Variants in CDK19 observed in about 807,000 individuals in gnomAD.
The protein encoded by CDK19 is cyclin dependent kinase 19.
Under a neutral mutation model 68.3 loss-of-function variants are expected in CDK19, and 20 were observed. The ratio of observed to expected loss-of-function variants is 0.29; its 90% CI spans 0.21 to 0.43. The LOEUF is 0.43. Among genes scored for constraint, CDK19 ranks in the 20% least tolerant of loss-of-function variants. The pLI is 1.00. For synonymous variants in CDK19, 221 were observed against 222.8 expected (o/e 0.99, Z 0.07); for missense variants, 339 against 623.5 (o/e 0.54, Z 4.86).
Position 110,667,429 on chromosome 6 carries a change from CT to C in CDK19, c.456+4del. The C allele has an allele frequency of 6.5e-7, 1 of 1,543,516 alleles. No individual in the cohort carries two copies. Among genetic ancestry groups the C allele is most frequent in the Non-Finnish European group, 8.8e-7 (1 of 1,142,054 alleles). Reference sequence around the variant, plus strand: ...TATTGATGAATTTAAAAGAAAAATACTTACCAAGTCTCTGTGAAGCACCCAA... The same window carrying C: ...TATTGATGAATTTAAAAGAAAAATACTACCAAGTCTCTGTGAAGCACCCAA... On this transcript the variant is annotated splice_donor_region_variant and intron_variant, in intron 4 of 12. Transcript: ENST00000368911.
chr6:110,628,773 T>C (rs1779255276), intron 6 of CDK19, among the ~76,000 whole-genome samples: 1 of 152,232 alleles, frequency 6.6e-6, no homozygotes, highest in African/African-American at 2.4e-5. Context: ...GCCTTACTTA[T>C]TTGACCACAT....
At chr6:110,647,392 G>C (rs1780673340) in intron 4 of CDK19, among the ~76,000 whole-genome samples, 1 of 151,688 alleles carries the variant, frequency 6.6e-6, no homozygotes, top group South Asian at 2.1e-4. Context: ...GAAGGGGGGT[G>C]GGGGGGAGGG....
At chr6:110,636,965 C>G (rs1779817054) in intron 5 of CDK19, among the ~76,000 whole-genome samples, 1 of 152,344 alleles carries the variant, frequency 6.6e-6, no homozygotes, top group East Asian at 1.9e-4. Context: ...CAGGGCTGTA[C>G]AGCCAAAGAG....
chr6:110,809,610 C>T (rs1396048744), intron 1 of CDK19, among the ~76,000 whole-genome samples: 1 of 152,192 alleles, frequency 6.6e-6, no homozygotes, highest in Admixed American at 6.5e-5. Context: ...CATCTAACCA[C>T]CTATTTCATA....
chr6:110,671,024 A>G (rs1480818485), intron 2 of CDK19, among the ~76,000 whole-genome samples: 1 of 152,182 alleles, frequency 6.6e-6, no homozygotes, highest in Non-Finnish European at 1.5e-5. Context: ...AAACAAGGAA[A>G]GATATTTAAC....
intron 1 of CDK19, among the ~76,000 whole-genome samples, chr6:110,795,369 T>C (rs1300176804): frequency 6.6e-6 from 1 of 152,180 alleles, no homozygotes. Context: ...AACCATGAAC[T>C]ACAGGTCCTA....
At chr6:110,675,218 T>C (rs1771394656) in intron 2 of CDK19, among the ~76,000 whole-genome samples, 1 of 152,238 alleles carries the variant, frequency 6.6e-6, no homozygotes, top group African/African-American at 2.4e-5. Context: ...AGTCAACGCC[T>C]GGTTTCAAAG....
chr6:110,775,648 T>C (rs1377005266), intron 1 of CDK19, among the ~76,000 whole-genome samples: 3 of 152,230 alleles, frequency 2.0e-5, no homozygotes, highest in Non-Finnish European at 2.9e-5. Context: ...TCAGATTTTA[T>C]TTCATTCTTT....
At chr6:110,730,751 A>G (rs1582970168) in intron 2 of CDK19, among the ~76,000 whole-genome samples, 1 of 152,158 alleles carries the variant, frequency 6.6e-6, no homozygotes. Context: ...CTAAGAGCTT[A>G]TTAGAAATTT....
intron 1 of CDK19, among the ~76,000 whole-genome samples, chr6:110,769,410 C>A (rs1326407097): frequency 6.6e-6 from 1 of 150,380 alleles, no homozygotes; most frequent in Non-Finnish European, 1.5e-5. Context: ...ACTAAAAATA[C>A]AAAAATTAGC....
chr6:110,750,626 A>G (rs1045926043), intron 1 of CDK19, among the ~76,000 whole-genome samples: 22 of 152,170 alleles, frequency 1.4e-4, no homozygotes, highest in African/African-American at 5.1e-4. Flanking sequence ...CCCAACCAAA[A>G]ATGAAAATAT....
intron 2 of CDK19, among the ~76,000 whole-genome samples, chr6:110,726,490 T>C (rs1451321842): frequency 6.6e-6 from 1 of 152,094 alleles, no homozygotes; most frequent in African/African-American, 2.4e-5. Context: ...GATATACAAG[T>C]AATGCCTGAA....
Position 110,815,171 on chromosome 6 carries a change from G to T in CDK19, c.-35C>A. 7.7e-6 allele frequency: 12 copies of T among 1,555,560 alleles called. No individual in the cohort carries two copies. Among genetic ancestry groups the T allele is most frequent in the Non-Finnish European group, 1.0e-5 (12 of 1,152,228 alleles). The stretch of plus-strand genomic sequence containing the variant: ...CCCCCATAGAGGCACGGGACGCGGG[G>T]GCCGCCGCCGCTCAGTCCCTCCTCC... On this transcript the variant is annotated 5_prime_UTR_variant, in exon 1 of 13. Coordinates refer to ENST00000368911, the MANE Select transcript of CDK19 (RefSeq NM_015076.5).
intron 1 of CDK19, among the ~76,000 whole-genome samples, chr6:110,778,041 G>C (rs1440483104): frequency 6.6e-6 from 1 of 152,062 alleles, no homozygotes; most frequent in African/African-American, 2.4e-5. Flanking sequence ...AGATGAAAGA[G>C]GTCTGTGGAT....
intron 4 of CDK19, among the ~76,000 whole-genome samples, chr6:110,648,869 C>T (rs1011780857): frequency 2.0e-5 from 3 of 152,154 alleles, no homozygotes; most frequent in African/African-American, 7.2e-5. Context: ...AGGTGCCCGC[C>T]GCCATACCCG....
chr6:110,777,581 A>C (rs549294947), intron 1 of CDK19, among the ~76,000 whole-genome samples: 7 of 152,336 alleles, frequency 4.6e-5, no homozygotes, highest in Non-Finnish European at 7.4e-5. Context: ...AAAATAGTAT[A>C]GTGGTTCATC....
At chr6:110,719,919 C>G (rs1268948551) in intron 2 of CDK19, among the ~76,000 whole-genome samples, 8 of 148,892 alleles carry the variant, frequency 5.4e-5, no homozygotes, top group Admixed American at 6.8e-5. Context: ...TTAGTAGAGA[C>G]GGCGTTTCAC....
chr6:110,642,498 G>A (rs537198201), intron 4 of CDK19, among the ~76,000 whole-genome samples: 2 of 152,192 alleles, frequency 1.3e-5, no homozygotes, highest in African/African-American at 4.8e-5. Context: ...ACAGTCTAGT[G>A]AGAAGAGAAA....
chr6:110,790,210 C>T (rs1461199510), intron 1 of CDK19, among the ~76,000 whole-genome samples: 2 of 152,180 alleles, frequency 1.3e-5, no homozygotes, highest in Non-Finnish European at 2.9e-5. Flanking sequence ...CCCGTAAGTA[C>T]ATCCAAGAGG....
Sources: gnomAD v4.1 joint callset for allele counts (sites outside exome capture counted in the v4.1 genomes callset) on GRCh38, gnomAD v4.1.1 for gene constraint, MANE v1.5 for transcripts, NCBI Gene and HGNC (gene_info 2026-07-23, HGNC 2026-07-21) for gene names.